The following CACNA1S variants were observed in gnomAD, a reference collection of about 807,000 sequenced individuals.
CACNA1S encodes voltage-dependent L-type calcium channel subunit alpha-1S.
CACNA1S carries 126 observed loss-of-function variants against 207.4 expected under a neutral mutation model. The ratio of observed to expected loss-of-function variants is 0.61; its 90% confidence interval spans 0.53 to 0.70. The LOEUF is 0.70. Among genes scored for constraint, CACNA1S ranks in the 30% least tolerant of loss-of-function variants. The pLI is 0.00. For missense variants in CACNA1S, 2,349 were observed against 2,422.8 expected (o/e 0.97, Z 0.64); for synonymous variants, 960 against 932.7 (o/e 1.03, Z -0.53).
chr1:201,060,203 C>T (rs1047564290), intron 26 of CACNA1S, among the ~76,000 whole-genome samples: 4 of 152,118 alleles, frequency 2.6e-5, no homozygotes, highest in South Asian at 2.1e-4. Flanking sequence ...GATGCTTAAT[C>T]GAGGCTTGAT....
At chr1:201,097,078 G>T (rs925895611) in intron 2 of CACNA1S, among the ~76,000 whole-genome samples, 1 of 151,944 alleles carries the variant, frequency 6.6e-6, no homozygotes, top group Admixed American at 6.6e-5. Context: ...CCTCCCTCTT[G>T]CTCTCCCCGG....
Position 201,062,008 on chromosome 1 carries a change from A to T in CACNA1S, c.2989T>A (p.Phe997Ile), listed in dbSNP as rs1661066950. Residue 997 changes from phenylalanine to isoleucine, a missense_variant, in exon 24 of 44, where the codon TTC becomes ATC. Phe to Ile is a conservative substitution (Grantham distance 21). Transcript: ENST00000362061. ...ATCATGGCTGAGAGCACATTGTCGAAGTGGAAGTCGCTGTGTACCCACTCG... is the reference window on the plus strand; with the variant it reads ...ATCATGGCTGAGAGCACATTGTCGATGTGGAAGTCGCTGTGTACCCACTCG... ...HREWVHSDFH[F>I]DNVLSAMMSL... is the part of the protein sequence containing the mutation. The T allele has an allele frequency of 6.2e-7, 1 of 1,614,196 alleles. No individual in the cohort carries two copies.
intron 2 of CACNA1S, among the ~76,000 whole-genome samples, chr1:201,096,028 G>A (rs1262640009): frequency 6.6e-6 from 1 of 152,248 alleles, no homozygotes; most frequent in Admixed American, 6.5e-5. Context: ...CAGAAGTGGG[G>A]TTGAGGCAAG....
intron 28 of CACNA1S, among the ~76,000 whole-genome samples, chr1:201,057,966 T>C (rs1400140924): frequency 6.6e-6 from 1 of 152,232 alleles, no homozygotes; most frequent in African/African-American, 2.4e-5. Flanking sequence ...CATGTTCTTA[T>C]GCTTCCAATA....
chr1:201,072,782 C>T lies in CACNA1S; in HGVS notation c.2200G>A (p.Asp734Asn). ...GGGAAGTCGGCTGAGGGGTAGGGAT[C>T]CTTCACCTCATTGACATTAGATTCA... The part of the protein sequence containing the change: ...EFESNVNEVK[D>N]PYPSADFPGD... Residue 734 changes from aspartate to asparagine, a missense_variant, in exon 16 of 44, where the codon GAT (aspartate) becomes AAT (asparagine). Asp to Asn is a conservative substitution (Grantham distance 23). Transcript: ENST00000362061. 2.7e-5 allele frequency: 43 copies of T among 1,613,938 alleles called. No individual in the cohort carries two copies. Among genetic ancestry groups the T allele is most frequent in the Non-Finnish European group, 3.6e-5 (43 of 1,179,888 alleles).
At position 201,074,629 on chromosome 1, in the gene CACNA1S, G is replaced by A. The variant is rs749403374; in HGVS notation, c.1949-9C>T. 6.3e-7 allele frequency: 1 copy of A among 1,578,336 alleles called. No individual in the cohort carries two copies. The highest frequency in any genetic ancestry group is 8.7e-7 in the Non-Finnish European group (1 of 1,148,528). ...GACATTGAGCAGGATGTCTGAGCGG[G>A]TTTAGCTAAGGAGCCTTTGGTTGTA... On this transcript the variant is annotated splice_polypyrimidine_tract_variant and intron_variant, in intron 13 of 43. Transcript: ENST00000362061.
rs748352939 is a variant in CACNA1S, at chr1:201,112,253, C to A, written c.87G>T (p.Arg29=). The part of the protein sequence containing the change: ...PVPEILPRPP[R]ALFCLTLENP... Reference sequence around the variant, plus strand: ...TCTCCAGGGTCAGGCAGAACAAGGCCCGGGGTGGCCTTGGCAGAATCTCAG... The same window carrying A: ...TCTCCAGGGTCAGGCAGAACAAGGCACGGGGTGGCCTTGGCAGAATCTCAG... The change falls in exon 1 of 44, where the codon CGG becomes CGT. Residue 29 remains arginine, a synonymous_variant. Coordinates refer to ENST00000362061, the MANE Select transcript of CACNA1S (RefSeq NM_000069.3). 2.0e-5 allele frequency: 33 copies of A among 1,614,016 alleles called. No homozygotes were observed. In the East Asian group the frequency reaches 6.7e-4, roughly 33 times the overall value.
rs141779051 is a variant in CACNA1S, at chr1:201,087,464, G to C, written c.1004+362C>G. Reference sequence around the variant, plus strand: ...GGGCCAGGAGGCTGGAGTTTCAGGGGCTTCACTGAGGAGTGTCAAAACAGA... The same window carrying C: ...GGGCCAGGAGGCTGGAGTTTCAGGGCCTTCACTGAGGAGTGTCAAAACAGA... On this transcript the variant is annotated intron_variant, in intron 7 of 43. Coordinates refer to ENST00000362061, the MANE Select transcript of CACNA1S (RefSeq NM_000069.3). Among the ~76,000 whole-genome samples, 309 of 152,328 alleles carry C rather than the reference G, an allele frequency of 2.0e-3. 2 individuals are homozygous for C. The highest frequency in any genetic ancestry group is 7.2e-3 in the African/African-American group (299 of 41,578).
intron 34 of CACNA1S, among the ~76,000 whole-genome samples, chr1:201,050,140 C>T (rs1305356866): frequency 6.6e-6 from 1 of 152,140 alleles, no homozygotes; most frequent in Non-Finnish European, 1.5e-5. Flanking sequence ...TAGCTTCCTA[C>T]TCCTAGGAGT....
In CACNA1S at chr1:201,053,507, C is replaced by A. The variant is rs1303927626; in HGVS notation, c.3747G>T (p.Arg1249=). ...RVMRLIKLLS[R]AEGVRTLLWT... ...ACAGGAGGGTTCGCACTCCTTCTGCCCGGCTCAGCAGCTTGATCAGCCTCA... is the reference window on the plus strand; with the variant it reads ...ACAGGAGGGTTCGCACTCCTTCTGCACGGCTCAGCAGCTTGATCAGCCTCA... The change falls in exon 30 of 44, where the codon CGG becomes CGT. Residue 1249 remains arginine (R), a synonymous_variant. Coordinates refer to ENST00000362061, the MANE Select transcript of CACNA1S (RefSeq NM_000069.3). The surrounding 1 kb of genome is among the most constrained non-coding windows in gnomAD (Gnocchi z 5.1). The A allele has an allele frequency of 1.2e-6, 2 of 1,614,042 alleles. 1 individual carries two copies. The highest frequency in any genetic ancestry group is 2.7e-5 in the African/African-American group (2 of 74,914).
intron 7 of CACNA1S, 39 bp from the exon 8 acceptor site, chr1:201,085,620 G>A (rs1440815866): frequency 6.2e-7 from 1 of 1,612,074 alleles, no homozygotes; most frequent in South Asian, 1.1e-5. Context: ...GAGGAGAAGA[G>A]GGAACAGTGT....
chr1:201,043,362 AG>A lies in CACNA1S; in HGVS notation c.4966del (p.Leu1656TrpfsTer67), dbSNP rs1233559712. On this transcript the variant is annotated frameshift_variant, in exon 40 of 44. Coordinates refer to ENST00000362061, the MANE Select transcript of CACNA1S (RefSeq NM_000069.3). LOFTEE classifies it high-confidence loss of function. ...DFPQDPRTNPLARANTNNANA... is the reference protein window; with the variant it reads ...DFPQDPRTNPXARANTNNANA... ...GGCATTGTTGGTATTGGCACGAGCCAGGGGGTTGGTGCGTGGATCTTGTGGG... is the reference window on the plus strand; with the variant it reads ...GGCATTGTTGGTATTGGCACGAGCCAGGGGTTGGTGCGTGGATCTTGTGGG... 6.2e-7 allele frequency: 1 copy of A among 1,614,068 alleles called. No homozygotes were observed. The highest frequency in any genetic ancestry group is 8.5e-7 in the Non-Finnish European group (1 of 1,180,036).
intron 22 of CACNA1S, among the ~76,000 whole-genome samples, chr1:201,063,566 G>A (rs559921266): frequency 6.6e-6 from 1 of 152,248 alleles, no homozygotes; most frequent in East Asian, 1.9e-4. Flanking sequence ...CGGGATTACA[G>A]GCATGAGCCA....
intron 24 of CACNA1S, among the ~76,000 whole-genome samples, chr1:201,061,742 C>T (rs1303783021): frequency 1.3e-5 from 2 of 152,234 alleles, no homozygotes; most frequent in East Asian, 1.9e-4. Flanking sequence ...TGGGGGACTG[C>T]GTGCATTTTG....
rs748071934 is a variant in CACNA1S at position 201,040,336 on chromosome 1, CT to C, written c.5264del (p.Lys1755ArgfsTer33). 1.1e-5 allele frequency: 18 copies of C among 1,613,882 alleles called. No homozygotes were observed. The highest frequency in any genetic ancestry group is 1.5e-5 in the Non-Finnish European group (18 of 1,179,944). On this transcript the variant is annotated frameshift_variant, in exon 43 of 44. Coordinates refer to ENST00000362061, the MANE Select transcript of CACNA1S (RefSeq NM_000069.3). LOFTEE classifies it high-confidence loss of function. Reference sequence around the variant, plus strand: ...CATGAAGAGACCCTGGTGTGGAGCTCTTTCTGTCCTCAGGCATGGAGGACTC... The same window carrying C: ...CATGAAGAGACCCTGGTGTGGAGCTCTTCTGTCCTCAGGCATGGAGGACTC... ...RVESSMPEDR[K>X]SSTPGSLHEE...
intron 38 of CACNA1S, among the ~76,000 whole-genome samples, chr1:201,044,716 G>A (rs558242374): frequency 6.6e-6 from 1 of 152,114 alleles, no homozygotes; most frequent in Non-Finnish European, 1.5e-5. Context: ...TCACCATGTT[G>A]GCTAGGCTGG....
chr1:201,049,898 G>C (rs1254234184), intron 34 of CACNA1S, among the ~76,000 whole-genome samples: 1 of 152,206 alleles, frequency 6.6e-6, no homozygotes, highest in African/African-American at 2.4e-5. Flanking sequence ...CCTCATCTGA[G>C]ACTGAGACCA....
Position 201,062,562 on chromosome 1 carries a change from A to C in CACNA1S, c.2854-48T>G, listed in dbSNP as rs1015150456. 8 of 1,578,626 alleles carry C rather than the reference A, an allele frequency of 5.1e-6. No homozygotes were observed. The Admixed American group carries it at 1.0e-4, about 20-fold the overall frequency. On this transcript the variant is annotated intron_variant, in intron 22 of 43. Transcript: ENST00000362061. ...AGGGAGGGAGGCATGTTGTCATGGAAACAGGATAGAAAAGTGGGCTCTGGG... is the reference window on the plus strand; with the variant it reads ...AGGGAGGGAGGCATGTTGTCATGGACACAGGATAGAAAAGTGGGCTCTGGG...
intron 40 of CACNA1S, chr1:201,041,814 T>A: frequency 3.3e-6 from 2 of 614,204 alleles, no homozygotes; most frequent in East Asian, 5.6e-5. Context: ...CTTTGCTCAG[T>A]TGCTCCCTCT....
Sources: allele counts gnomAD v4.1 joint callset (sites outside exome capture counted in the v4.1 genomes callset), GRCh38; gene constraint gnomAD v4.1.1; non-coding constraint Gnocchi (gnomAD v3.1); transcripts MANE v1.5; gene names NCBI Gene and HGNC (gene_info 2026-07-23, HGNC 2026-07-21).